Variants in SEMA3D observed in about 807,000 individuals in gnomAD.
The protein encoded by SEMA3D is semaphorin-3D.
A neutral mutation model predicts 100.1 loss-of-function variants in SEMA3D; 84 were observed. The observed-to-expected ratio is 0.84, with a 90% CI of 0.70 to 1.01. The LOEUF (loss-of-function observed/expected upper bound fraction) is 1.01, where lower values mean the gene tolerates loss of function less well. Ranked by LOEUF, SEMA3D falls within the 50% of genes least tolerant of loss-of-function variation. The pLI is 0.00. For synonymous variants in SEMA3D, 312 were observed against 320.7 expected (o/e 0.97, Z 0.29); for missense variants, 875 against 934.1 (o/e 0.94, Z 0.82).
intron 1 of SEMA3D, among the ~76,000 whole-genome samples, chr7:85,154,043 C>T (rs889979218): frequency 1.3e-5 from 2 of 152,038 alleles, no homozygotes; most frequent in Non-Finnish European, 2.9e-5. Flanking sequence ...AGAATATTTG[C>T]CCAAATGTCT....
the SEMA3D span, among the ~76,000 whole-genome samples, chr7:85,223,632 G>C: frequency 3.3e-5 from 5 of 152,120 alleles, no homozygotes; most frequent in African/African-American, 1.2e-4. Flanking sequence ...GACGGACTTG[G>C]AGATGGTTAT....
At chr7:85,129,173 G>A (rs562117651) in intron 2 of SEMA3D, among the ~76,000 whole-genome samples, 19 of 152,024 alleles carry the variant, frequency 1.2e-4, no homozygotes, top group East Asian at 1.9e-4. Context: ...TTACAGGCGT[G>A]AGCCACTGTG....
At chr7:85,093,320 C>T (rs113784172) in intron 4 of SEMA3D, among the ~76,000 whole-genome samples, 1,720 of 151,770 alleles carry the variant, frequency 0.011, 35 homozygotes, top group African/African-American at 0.039. Context: ...TATTTCTGGC[C>T]AACGAGATGA....
intron 11 of SEMA3D, among the ~76,000 whole-genome samples, chr7:85,039,274 T>C (rs936615363): frequency 2.0e-5 from 3 of 152,168 alleles, no homozygotes; most frequent in African/African-American, 7.2e-5. Context: ...CAACTTGTTT[T>C]GTTTTGTTTG....
At chr7:85,135,139 G>T (rs765207460) in intron 2 of SEMA3D, among the ~76,000 whole-genome samples, 4 of 151,662 alleles carry the variant, frequency 2.6e-5, no homozygotes, top group Non-Finnish European at 4.4e-5. Context: ...CCATTTCCAG[G>T]ATAAGATTTT....
At chr7:85,171,565 T>C (rs1791082853) in intron 1 of SEMA3D, among the ~76,000 whole-genome samples, 1 of 152,006 alleles carries the variant, frequency 6.6e-6, no homozygotes. Context: ...TCAACCTTTT[T>C]TTAGTGACCT....
At chr7:85,104,170 A>G (rs924659338) in intron 3 of SEMA3D, among the ~76,000 whole-genome samples, 8 of 152,062 alleles carry the variant, frequency 5.3e-5, no homozygotes, top group Admixed American at 3.3e-4. Flanking sequence ...TGACTCATCT[A>G]AGAATACCAG....
At chr7:85,086,369 T>G (rs916536567) in intron 4 of SEMA3D, among the ~76,000 whole-genome samples, 1 of 151,966 alleles carries the variant, frequency 6.6e-6, no homozygotes, top group African/African-American at 2.4e-5. Context: ...TCCTAATTGA[T>G]AAAGAATTTA....
At chr7:85,032,744 A>T (rs1284478534) in intron 12 of SEMA3D, among the ~76,000 whole-genome samples, 3 of 152,120 alleles carry the variant, frequency 2.0e-5, no homozygotes, top group Non-Finnish European at 4.4e-5. Flanking sequence ...ACCAAAAAGA[A>T]AATCCTCCTT....
chr7:85,239,946 T>C, the SEMA3D span, among the ~76,000 whole-genome samples: 3 of 152,208 alleles, frequency 2.0e-5, no homozygotes, highest in East Asian at 5.8e-4. Flanking sequence ...TTCTACATAA[T>C]CATGTTTTCT....
chr7:85,120,565 G>T (rs990881396), intron 3 of SEMA3D, among the ~76,000 whole-genome samples: 2 of 151,572 alleles, frequency 1.3e-5, no homozygotes, highest in Admixed American at 1.3e-4. Flanking sequence ...CTACTCAGGA[G>T]GCTGAGGTGG....
the SEMA3D span, among the ~76,000 whole-genome samples, chr7:85,223,418 G>A: frequency 6.6e-6 from 1 of 151,944 alleles, no homozygotes; most frequent in East Asian, 1.9e-4. Flanking sequence ...ATGAAAAACA[G>A]ACTTGTACAG....
chr7:85,033,291 TC>T (rs766056700), intron 12 of SEMA3D, among the ~76,000 whole-genome samples: 18 of 152,246 alleles, frequency 1.2e-4, no homozygotes, highest in Non-Finnish European at 2.4e-4. Flanking sequence ...GAAAAACACT[TC>T]CCACTGACAT....
chr7:85,212,245 C>G, the SEMA3D span, among the ~76,000 whole-genome samples: 2 of 152,068 alleles, frequency 1.3e-5, no homozygotes, highest in African/African-American at 4.8e-5. Flanking sequence ...GGGAGGGCAC[C>G]TCTCAAACGA....
At position 85,077,640 on chromosome 7, in the gene SEMA3D, GAATA is replaced by G. The variant is rs1430205436; in HGVS notation, c.375+3873_375+3876del. Among the ~76,000 whole-genome samples the G allele has an allele frequency of 4.6e-5, 7 of 152,078 alleles. No individual in the cohort carries two copies. In the East Asian group the frequency reaches 1.2e-3, roughly 25 times the overall value. ...AAATAATTTTCTTTTTATTGGCAAAGAATAAATATACATATTTTATTCATTCATA... is the reference window on the plus strand; with the variant it reads ...AAATAATTTTCTTTTTATTGGCAAAGAATATACATATTTTATTCATTCATA... On this transcript the variant is annotated intron_variant, in intron 5 of 18. Transcript: ENST00000284136.
the SEMA3D span, among the ~76,000 whole-genome samples, chr7:85,247,489 T>C: frequency 6.6e-6 from 1 of 152,060 alleles, no homozygotes; most frequent in Non-Finnish European, 1.5e-5. Context: ...CAGTTAAGTA[T>C]ATATGCATCT....
intron 2 of SEMA3D, chr7:85,141,615 T>G: frequency 1.0e-6 from 1 of 984,482 alleles, no homozygotes; most frequent in Non-Finnish European, 1.2e-6. Context: ...ATAAATCATT[T>G]CTGGCACATA....
intron 2 of SEMA3D, among the ~76,000 whole-genome samples, chr7:85,123,533 G>T (rs1789486993): frequency 6.6e-6 from 1 of 152,076 alleles, no homozygotes; most frequent in Non-Finnish European, 1.5e-5. Context: ...CAAGATTTCA[G>T]TTACCTTAAA....
intron 15 of SEMA3D, 148 bp downstream of exon 15, chr7:85,018,104 G>A: frequency 1.5e-6 from 1 of 645,260 alleles, no homozygotes; most frequent in African/African-American, 1.9e-5. Context: ...TGAAACAATG[G>A]TCTCTAATGA....
Sources: gnomAD v4.1 joint callset for allele counts (sites outside exome capture counted in the v4.1 genomes callset) on GRCh38, gnomAD v4.1.1 for gene constraint, MANE v1.5 for transcripts, NCBI Gene and HGNC (gene_info 2026-07-23, HGNC 2026-07-21) for gene names.